GBP3: variants seen among roughly 807,000 people sequenced by gnomAD.
The protein encoded by GBP3 is guanylate binding protein 3.
In GBP3, 55 loss-of-function variants were observed where a neutral mutation model predicts 62.4. The ratio of observed to expected loss-of-function variants is 0.88; its 90% CI spans 0.71 to 1.10. GBP3 has a LOEUF of 1.10. GBP3 is among the 50% of genes least tolerant of loss of function. GBP3 has a pLI of 0.00. For missense variants in GBP3, 605 were observed against 690.6 expected (o/e 0.88, Z 1.39); for synonymous variants, 208 against 259.2 (o/e 0.80, Z 1.90).
intron 2 of GBP3, among the ~76,000 whole-genome samples, chr1:89,016,145 A>G (rs1245933794): frequency 6.6e-6 from 1 of 152,240 alleles, no homozygotes; most frequent in East Asian, 1.9e-4. Flanking sequence ...TACAGTAGCA[A>G]AGAACAATCC....
At chr1:89,016,379 T>TGAG (rs541182333) in intron 2 of GBP3, among the ~76,000 whole-genome samples, 19 of 152,038 alleles carry the variant, frequency 1.2e-4, no homozygotes, top group African/African-American at 4.6e-4. Flanking sequence ...ATTAGCTGGG[T>TGAG]GTGGTGGCGG....
rs4656076 is a variant in GBP3 at position 89,013,171 on chromosome 1, C to G, written c.868+14G>C. On this transcript the variant is annotated intron_variant, in intron 6 of 10. Coordinates refer to ENST00000370481, the MANE Select transcript of GBP3 (RefSeq NM_018284.3). Reference sequence around the variant, plus strand: ...GTTTTAACAATGAGTGGAAGTACTACGAAGGGGACTTACGAGGCCCATTGA... The same window carrying G: ...GTTTTAACAATGAGTGGAAGTACTAGGAAGGGGACTTACGAGGCCCATTGA... 1,182,031 of 1,607,782 alleles carry G rather than the reference C, an allele frequency of 0.74. 444,540 individuals carry two copies. Among genetic ancestry groups the G allele is most frequent in the Non-Finnish European group, 0.78 (915,819 of 1,175,074 alleles).
At position 89,009,002 on chromosome 1, in the gene GBP3, C is replaced by T; in HGVS notation, c.1604G>A (p.Arg535Lys). The T allele has an allele frequency of 1.9e-6, 3 of 1,614,208 alleles. No homozygotes were observed. Among genetic ancestry groups the T allele is most frequent in the Non-Finnish European group, 2.5e-6 (3 of 1,180,022 alleles). Residue 535 changes from arginine to lysine, a missense_variant, in exon 10 of 11, where the codon AGG becomes AAG. Arg to Lys is a conservative substitution (Grantham distance 26). Coordinates refer to ENST00000370481, the MANE Select transcript of GBP3 (RefSeq NM_018284.3). ...CTCTTCCAGCAACTGGGCCCTCTCC[C>T]TCTCCATCTTCTCAGTCAATTGTTT... ...HVKQLTEKME[R>K]ERAQLLEEQE... is the part of the protein sequence containing the mutation.
Position 89,011,737 on chromosome 1 carries a change from G to C in GBP3, c.1149+10C>G. 2 of 1,461,952 alleles carry C rather than the reference G, an allele frequency of 1.4e-6. 1 individual carries two copies. Among genetic ancestry groups the C allele is most frequent in the Non-Finnish European group, 1.9e-6 (2 of 1,055,030 alleles). 90.6% of individuals were successfully genotyped at this position (1,461,952 alleles called of 1,614,324 possible). A position where few individuals can be genotyped will look rare whatever the true frequency, so the allele number is the denominator to read the frequency against. On this transcript the variant is annotated intron_variant, in intron 7 of 10. Coordinates refer to ENST00000370481, the MANE Select transcript of GBP3 (RefSeq NM_018284.3). The stretch of plus-strand genomic sequence containing the variant: ...AATCCAAATCCATGTAAATGTGATA[G>C]AAAAATTACCGCTAATTTCTTTTGA...
Position 89,007,846 on chromosome 1 carries a change from C to A in GBP3, c.1666G>T (p.Ala556Ser). The A allele has an allele frequency of 6.2e-7, 1 of 1,611,218 alleles. No homozygotes were observed. Among genetic ancestry groups the A allele is most frequent in the Non-Finnish European group, 8.5e-7 (1 of 1,179,034 alleles). The change falls in exon 11 of 11, where the codon GCC becomes TCC. Residue 556 changes from alanine to serine, a missense_variant. Physicochemically the swap from Ala to Ser is moderately conservative, Grantham distance 99. Coordinates refer to ENST00000370481, the MANE Select transcript of GBP3 (RefSeq NM_018284.3). ...KTLTSKLQEQARVLKERCQGE... is the reference protein window; with the variant it reads ...KTLTSKLQEQSRVLKERCQGE... ...TGGCATCTCTCCTTTAGTACTCGGG[C>A]CTGTTCCTAAAAAGGGACAAATGGA...
At chr1:89,013,707 CTA>C (rs1459715431) in intron 5 of GBP3, 1 of 429,366 alleles carries the variant, frequency 2.3e-6, no homozygotes, top group Non-Finnish European at 4.1e-6. Flanking sequence ...CATGTTCAAT[CTA>C]TGTTCTTTAA....
In GBP3 at chr1:89,020,756, A is replaced by T; in HGVS notation, c.-22-13T>A. 5 of 1,597,780 alleles carry T rather than the reference A, an allele frequency of 3.1e-6. No individual in the cohort carries two copies. The highest frequency in any genetic ancestry group is 1.7e-5 in the Admixed American group (1 of 58,874). ...ATTGTTCTCTTGTCTGCAAGGGAAG[A>T]GTTGGAATGAATTAGAATTTCCAGT... On this transcript the variant is annotated splice_polypyrimidine_tract_variant and intron_variant, in intron 1 of 10. Transcript: ENST00000370481.
At chr1:89,013,039 T>A in intron 6 of GBP3, 146 bp downstream of exon 6, 1 of 774,814 alleles carries the variant, frequency 1.3e-6, no homozygotes, top group Non-Finnish European at 2.1e-6. Context: ...GGTTTTGCCA[T>A]GTGGGCTAGG....
At chr1:89,017,068 G>A (rs987762131) in intron 2 of GBP3, among the ~76,000 whole-genome samples, 2 of 151,982 alleles carry the variant, frequency 1.3e-5, no homozygotes, top group African/African-American at 4.8e-5. Context: ...TCTCAAAAAG[G>A]AAGAAGAAAG....
intron 2 of GBP3, among the ~76,000 whole-genome samples, chr1:89,019,143 C>T (rs1026972286): frequency 1.3e-5 from 2 of 152,176 alleles, no homozygotes; most frequent in African/African-American, 4.8e-5. Flanking sequence ...AAAGCAGGGA[C>T]TCGAACAGAT....
rs541208042 is a variant in GBP3 at position 89,016,650 on chromosome 1, C to T, written c.191-1236G>A. 2.0e-5 allele frequency among the ~76,000 whole-genome samples: 3 copies of T among 152,222 alleles called. No homozygotes were observed. In the East Asian group the frequency reaches 5.8e-4, roughly 29 times the overall value. On this transcript the variant is annotated intron_variant, in intron 2 of 10. Transcript: ENST00000370481. ...CAGGCTAGACTGTGATCACTGATCA[C>T]TGTAGTCTTGACCTCCCAGGCTCAA... is the stretch of plus-strand genomic sequence containing the variant.
intron 10 of GBP3, 69 bp downstream of exon 10, chr1:89,008,878 C>T (rs1485025879): frequency 6.2e-7 from 1 of 1,609,980 alleles, no homozygotes; most frequent in East Asian, 2.2e-5. Flanking sequence ...CTCTGCCATA[C>T]TAAGTTTGTG....
chr1:89,008,684 T>G (rs577835039), intron 10 of GBP3, among the ~76,000 whole-genome samples: 1 of 152,098 alleles, frequency 6.6e-6, no homozygotes, highest in South Asian at 2.1e-4. Context: ...AGATAAGGCA[T>G]TTTTATGATG....
At chr1:89,015,538 C>A in intron 2 of GBP3, 124 bp from the exon 3 acceptor site, 1 of 745,476 alleles carries the variant, frequency 1.3e-6, no homozygotes, top group Non-Finnish European at 2.0e-6. Flanking sequence ...TCAGTACTTA[C>A]GTTACTTATA....
intron 2 of GBP3, among the ~76,000 whole-genome samples, chr1:89,017,494 T>C (rs1416398765): frequency 6.6e-6 from 1 of 152,204 alleles, no homozygotes; most frequent in African/African-American, 2.4e-5. Context: ...TGAAAAACTT[T>C]TGTGCATCAA....
rs764049431 is a variant in GBP3, at chr1:89,007,799, T to G, written c.1713A>C (p.Gln571His). 11 of 1,613,962 alleles carry G rather than the reference T, an allele frequency of 6.8e-6. No homozygotes were observed. The South Asian group carries it at 1.2e-4, about 18-fold the overall frequency. ...TCTTCTGTAGCTTTTGTATCTCATT[T>G]TGAAGTTGGGTACTTTCACCTTGGC... is the stretch of plus-strand genomic sequence containing the variant. ...ERCQGESTQL[Q>H]NEIQKLQKTL... The change falls in exon 11 of 11, where the codon CAA becomes CAC. Residue 571 changes from glutamine (Q) to histidine (H), a missense_variant. By Grantham distance (24) the Gln-to-His change is conservative (BLOSUM62 0). Around this residue, in one of 3 missense-constraint regions of GBP3, gnomAD observed 160 missense variants for 147.8 expected, o/e 1.08. Coordinates refer to ENST00000370481, the MANE Select transcript of GBP3 (RefSeq NM_018284.3).
intron 2 of GBP3, among the ~76,000 whole-genome samples, chr1:89,019,113 G>A (rs1041110716): frequency 2.0e-5 from 3 of 152,184 alleles, no homozygotes; most frequent in East Asian, 3.8e-4. Context: ...CCACTTCTGG[G>A]TGTATACTGA....
chr1:89,012,914 T>G (rs1328666568), intron 6 of GBP3, among the ~76,000 whole-genome samples: 1 of 144,178 alleles, frequency 6.9e-6, no homozygotes, highest in Non-Finnish European at 1.6e-5. Context: ...CTCGTCTCAC[T>G]GCAACCTCTG....
At chr1:89,013,850 G>A in intron 5 of GBP3, 1 of 502,820 alleles carries the variant, frequency 2.0e-6, no homozygotes, top group Non-Finnish European at 3.4e-6. Flanking sequence ...TAGAACACAG[G>A]AGAATATAAT....
Sources: gnomAD v4.1 joint callset for allele counts (sites outside exome capture counted in the v4.1 genomes callset) on GRCh38, gnomAD v4.1.1 for gene constraint, gnomAD v4.1.1 regional missense constraint, MANE v1.5 for transcripts, NCBI Gene and HGNC (gene_info 2026-07-23, HGNC 2026-07-21) for gene names.